Variants in ITM2B observed in about 807,000 individuals in gnomAD.
The protein encoded by ITM2B is integral membrane protein 2B, also known as ABri/ADan amyloid peptide.
A neutral mutation model predicts 27.8 loss-of-function variants in ITM2B; 11 were observed. That is an observed-to-expected ratio of 0.40 (90% CI 0.25 to 0.66). The LOEUF (loss-of-function observed/expected upper bound fraction) is 0.66. ITM2B is among the 30% of genes least tolerant of loss of function. The pLI, the probability that ITM2B is intolerant of heterozygous loss-of-function variation, is 0.43. For synonymous variants in ITM2B, 114 were observed against 114.3 expected (o/e 1.00, Z 0.02); for missense variants, 296 against 328.9 (o/e 0.90, Z 0.77).
rs912281966 is a variant in ITM2B at position 48,262,922 on chromosome 13, C to T, written c.*1698C>T. On this transcript the variant is annotated 3_prime_UTR_variant, in exon 6 of 6. Coordinates refer to ENST00000647800, the MANE Select transcript of ITM2B (RefSeq NM_021999.5). ...ACTTCATTCTGTAGACCATGGGCCA[C>T]TATTGAAGTTTTGCATTTTGGAAGG... is the stretch of plus-strand genomic sequence containing the variant. 6.6e-6 allele frequency: 1 copy of T among 152,102 alleles called. No individual in the cohort carries two copies. The highest frequency in any genetic ancestry group is 2.4e-5 in the African/African-American group (1 of 41,414). 9.4% of individuals were successfully genotyped at this position (152,102 alleles called of 1,614,324 possible).
intron 1 of ITM2B, among the ~76,000 whole-genome samples, 167 bp downstream of exon 1, chr13:48,233,644 T>C (rs1951650090): frequency 6.6e-6 from 1 of 152,056 alleles, no homozygotes; most frequent in Admixed American, 6.5e-5. Context: ...CGCAGCTCCT[T>C]TGTAAGGAAG....
At chr13:48,239,274 G>C (rs1170290818) in intron 1 of ITM2B, among the ~76,000 whole-genome samples, 17 of 152,156 alleles carry the variant, frequency 1.1e-4, no homozygotes, top group Admixed American at 1.1e-3. Flanking sequence ...GGCAAATTCA[G>C]TGTCTCCTGG....
intron 1 of ITM2B, among the ~76,000 whole-genome samples, chr13:48,247,959 T>C (rs1951733217): frequency 6.6e-6 from 1 of 151,982 alleles, no homozygotes; most frequent in Non-Finnish European, 1.5e-5. Context: ...TCTGTTACCT[T>C]TTAAGCGCGA....
intron 1 of ITM2B, among the ~76,000 whole-genome samples, chr13:48,251,775 C>A (rs1951757474): frequency 6.6e-6 from 1 of 152,134 alleles, no homozygotes; most frequent in Non-Finnish European, 1.5e-5. Context: ...TTCATCCCCC[C>A]CACTCTCCTT....
chr13:48,258,805 C>T lies in ITM2B; in HGVS notation c.573C>T (p.Thr191=), dbSNP rs1351857389. The T allele has an allele frequency of 3.1e-6, 5 of 1,613,602 alleles. 1 individual carries two copies. In the South Asian group the frequency reaches 5.5e-5, roughly 18 times the overall value. The change falls in exon 5 of 6, where the codon ACC becomes ACT. Residue 191 remains threonine, a synonymous_variant. Coordinates refer to ENST00000647800, the MANE Select transcript of ITM2B (RefSeq NM_021999.5). ...LELLINIKAG[T]YLPQSYLIHE... ...TTCTTTTCTGAATGTAGGCTGGAACCTATTTGCCTCAGTCCTATCTGATTC... is the reference window on the plus strand; with the variant it reads ...TTCTTTTCTGAATGTAGGCTGGAACTTATTTGCCTCAGTCCTATCTGATTC...
In ITM2B at chr13:48,266,534, C is replaced by T. The variant is rs1335166764; in HGVS notation, c.*5310C>T. 6.6e-6 allele frequency: 1 copy of T among 152,008 alleles called. No individual in the cohort carries two copies. The highest frequency in any genetic ancestry group is 6.6e-5 in the Admixed American group (1 of 15,246). The allele number at this position is 152,008 out of a possible 1,614,324, so 9.4% of individuals were successfully genotyped here. A position where few individuals can be genotyped will look rare whatever the true frequency, so the allele number is the denominator to read the frequency against. ...TGGCACATAATAGGTTTTCTTGACA[C>T]TGAAGGAAGGAATAAACATCTGGTA... On this transcript the variant is annotated 3_prime_UTR_variant, in exon 6 of 6. Transcript: ENST00000647800.
At position 48,266,615 on chromosome 13, in the gene ITM2B, T is replaced by C. The variant is rs964518962; in HGVS notation, c.*5391T>C. 6.6e-6 allele frequency: 1 copy of C among 151,328 alleles called. No homozygotes were observed. Among genetic ancestry groups the C allele is most frequent in the African/African-American group, 2.4e-5 (1 of 41,124 alleles). The allele number at this position is 151,328 out of a possible 1,614,324, so 9.4% of individuals were successfully genotyped here. On this transcript the variant is annotated 3_prime_UTR_variant, in exon 6 of 6. Transcript: ENST00000647800. Reference sequence around the variant, plus strand: ...TCTACTTCACTAAAACCAAAGGGGGTTTTTTTGGGCAGACAATCTTCATTA... The same window carrying C: ...TCTACTTCACTAAAACCAAAGGGGGCTTTTTTGGGCAGACAATCTTCATTA...
intron 1 of ITM2B, among the ~76,000 whole-genome samples, chr13:48,238,208 GTGA>G (rs1951679706): frequency 6.6e-6 from 1 of 152,086 alleles, no homozygotes; most frequent in Admixed American, 6.6e-5. Flanking sequence ...CCACTTAATT[GTGA>G]TTATCCCTTT....
intron 1 of ITM2B, among the ~76,000 whole-genome samples, chr13:48,248,987 C>A (rs191351887): frequency 6.6e-6 from 1 of 152,294 alleles, no homozygotes; most frequent in Admixed American, 6.5e-5. Context: ...CAGTTGATTT[C>A]TTCCCCACCC....
intron 1 of ITM2B, among the ~76,000 whole-genome samples, chr13:48,234,947 A>T (rs552811030): frequency 6.6e-6 from 1 of 152,346 alleles, no homozygotes; most frequent in African/African-American, 2.4e-5. Flanking sequence ...CGTTGTACCT[A>T]AAATAGATTG....
intron 1 of ITM2B, among the ~76,000 whole-genome samples, chr13:48,245,853 A>G (rs551464610): frequency 1.3e-5 from 2 of 149,160 alleles, no homozygotes; most frequent in African/African-American, 5.0e-5. Flanking sequence ...GTCTCTGCTC[A>G]CTGCAAGCTC....
Position 48,261,201 on chromosome 13 carries a change from G to T in ITM2B, c.778G>T (p.Val260Leu). 2 of 1,611,602 alleles carry T rather than the reference G, an allele frequency of 1.2e-6. No homozygotes were observed. Among genetic ancestry groups the T allele is most frequent in the Non-Finnish European group, 8.5e-7 (1 of 1,178,180 alleles). The change falls in exon 6 of 6, where the codon GTG becomes TTG. Residue 260 changes from valine (V) to leucine (L), a missense_variant. Transcript: ENST00000647800. ...AIRHFENKFA[V>L]ETLICS ...TCGGCATTTTGAAAACAAATTTGCC[G>T]TGGAAACTTTAATTTGTTCTTGAAC...
At chr13:48,238,865 G>A (rs1951683763) in intron 1 of ITM2B, among the ~76,000 whole-genome samples, 1 of 152,064 alleles carries the variant, frequency 6.6e-6, no homozygotes, top group Non-Finnish European at 1.5e-5. Context: ...GAAAGTAAAG[G>A]AGTAAAAGAA....
At chr13:48,239,918 CA>C (rs1409360823) in intron 1 of ITM2B, among the ~76,000 whole-genome samples, 1 of 152,076 alleles carries the variant, frequency 6.6e-6, no homozygotes, top group Non-Finnish European at 1.5e-5. Flanking sequence ...GGAAAAATAT[CA>C]AAGGAATGAT....
chr13:48,234,626 C>T (rs917896677), intron 1 of ITM2B, among the ~76,000 whole-genome samples: 1 of 152,040 alleles, frequency 6.6e-6, no homozygotes, highest in Middle Eastern at 3.2e-3. Context: ...TAATGGTAAT[C>T]TAGACATCAT....
At chr13:48,250,649 C>T (rs1410860327) in intron 1 of ITM2B, among the ~76,000 whole-genome samples, 2 of 151,966 alleles carry the variant, frequency 1.3e-5, no homozygotes, top group Non-Finnish European at 2.9e-5. Flanking sequence ...GTTTTATTCA[C>T]TCATCAAATA....
intron 1 of ITM2B, among the ~76,000 whole-genome samples, chr13:48,246,981 A>G (rs559169305): frequency 4.6e-5 from 7 of 152,240 alleles, no homozygotes; most frequent in African/African-American, 1.7e-4. Context: ...GGCACAAGCC[A>G]CCACACCCAG....
In ITM2B at chr13:48,263,235, A is replaced by G. The variant is rs968057643; in HGVS notation, c.*2011A>G. On this transcript the variant is annotated 3_prime_UTR_variant, in exon 6 of 6. Coordinates refer to ENST00000647800, the MANE Select transcript of ITM2B (RefSeq NM_021999.5). ...ATTGATTTGGCCAGATTGGTCTAAC[A>G]TGGTACCCATGATTTTACTTCATTT... 6.6e-6 allele frequency: 1 copy of G among 152,192 alleles called. No homozygotes were observed. The highest frequency in any genetic ancestry group is 1.5e-5 in the Non-Finnish European group (1 of 68,026). 9.4% of individuals were successfully genotyped at this position (152,192 alleles called of 1,614,324 possible). A position where few individuals can be genotyped will look rare whatever the true frequency, so the allele number is the denominator to read the frequency against.
chr13:48,251,029 G>T (rs964487142), intron 1 of ITM2B, among the ~76,000 whole-genome samples: 1 of 152,134 alleles, frequency 6.6e-6, no homozygotes, highest in Admixed American at 6.5e-5. Flanking sequence ...TCAAGAAATT[G>T]AATTTTAAAA....
Sources: gnomAD v4.1 joint callset for allele counts (sites outside exome capture counted in the v4.1 genomes callset) on GRCh38, gnomAD v4.1.1 for gene constraint, MANE v1.5 for transcripts, NCBI Gene and HGNC (gene_info 2026-07-23, HGNC 2026-07-21) for gene names.